RABL6: variants seen among roughly 807,000 people sequenced by gnomAD.
RABL6 encodes RAB, member RAS oncogene family like 6.
RABL6 carries 28 observed loss-of-function variants against 72.9 expected under a neutral mutation model. The observed-to-expected ratio is 0.38, with a 90% CI of 0.28 to 0.53. RABL6 has a LOEUF of 0.53. RABL6 is among the 20% of genes least tolerant of loss of function. The pLI is 0.80. For missense variants in RABL6, 1,029 were observed against 1,008.4 expected (o/e 1.02, Z -0.28); for synonymous variants, 477 against 421.2 (o/e 1.13, Z -1.62).
chr9:136,813,915 GC>G, intron 1 of RABL6: 1 of 319,060 alleles, frequency 3.1e-6, no homozygotes, highest in South Asian at 2.7e-5. Flanking sequence ...GCGCCACTGC[GC>G]CCAGCCAAAA....
chr9:136,818,139 A>G (rs1353263857), intron 1 of RABL6, among the ~76,000 whole-genome samples: 4 of 150,200 alleles, frequency 2.7e-5, no homozygotes, highest in Non-Finnish European at 1.5e-5. Context: ...CGAGGCGGGC[A>G]GATCACGAGG....
intron 8 of RABL6, 69 bp downstream of exon 8, chr9:136,835,914 G>A (rs1588370887): frequency 7.2e-7 from 1 of 1,393,396 alleles, no homozygotes; most frequent in East Asian, 2.5e-5. Context: ...CAGGGCCATG[G>A]GCTGCACCAA....
At chr9:136,813,527 T>G in intron 1 of RABL6, 1 of 427,866 alleles carries the variant, frequency 2.3e-6, no homozygotes, top group Non-Finnish European at 4.3e-6. Flanking sequence ...AAGTTTTCTC[T>G]GCATTAGCTT....
At chr9:136,820,591 G>A (rs1420084451) in intron 1 of RABL6, among the ~76,000 whole-genome samples, 1 of 152,076 alleles carries the variant, frequency 6.6e-6, no homozygotes, top group Non-Finnish European at 1.5e-5. Flanking sequence ...GGCTGGTCTC[G>A]AACTCCTGAG....
chr9:136,812,754 G>T, intron 1 of RABL6: 1 of 318,010 alleles, frequency 3.1e-6, no homozygotes, highest in South Asian at 3.3e-5. Context: ...TCTTTCAAAT[G>T]GGAGAGGGAA....
At chr9:136,813,209 C>T in intron 1 of RABL6, 1 of 517,510 alleles carries the variant, frequency 1.9e-6, no homozygotes. Flanking sequence ...CCTGATTGCC[C>T]TGCCCCCAGT....
chr9:136,824,241 C>T (rs987589255), intron 2 of RABL6, among the ~76,000 whole-genome samples: 26 of 151,574 alleles, frequency 1.7e-4, no homozygotes, highest in African/African-American at 6.3e-4. Context: ...AGAGCAGCTG[C>T]CCTGTGTGTT....
rs1848546257 is a variant in RABL6, at chr9:136,834,440, A to G, written c.706-1302A>G. The G allele has an allele frequency of 3.1e-5, 31 of 985,788 alleles. No individual in the cohort carries two copies. In the South Asian group the frequency reaches 1.3e-3, roughly 42 times the overall value. The allele number at this position is 985,788 out of a possible 1,614,324, so 61.1% of individuals were successfully genotyped here. A position where few individuals can be genotyped will look rare whatever the true frequency, so the allele number is the denominator to read the frequency against. On this transcript the variant is annotated intron_variant, in intron 7 of 14. Coordinates refer to ENST00000311502, the MANE Select transcript of RABL6 (RefSeq NM_024718.5). ...CTGTAGATTTCTCTTTGTAAATCAC[A>G]TTTTTTTGTTGTTGTTATAGCCTGG... is the stretch of plus-strand genomic sequence containing the variant.
chr9:136,811,174 G>T (rs1337865446), intron 1 of RABL6, among the ~76,000 whole-genome samples: 1 of 152,190 alleles, frequency 6.6e-6, no homozygotes, highest in Non-Finnish European at 1.5e-5. Context: ...TGACCCTGAG[G>T]ACATGTGCCC....
At chr9:136,835,393 A>G in intron 7 of RABL6, 1 of 197,950 alleles carries the variant, frequency 5.1e-6, no homozygotes, top group Non-Finnish European at 1.0e-5. Flanking sequence ...CGTGGCGGGG[A>G]GCAGAGGGGC....
rs180688035 is a variant in RABL6 at position 136,839,038 on chromosome 9, G to A, written c.1410G>A (p.Ser470=). The change falls in exon 11 of 15, where the codon TCG becomes TCA. Residue 470 remains serine, a synonymous_variant. Coordinates refer to ENST00000311502, the MANE Select transcript of RABL6 (RefSeq NM_024718.5). ...GPVPSQDITL[S]SEEEAEVAAP... ...TCCCCAGTCAAGACATCACTCTTTCGAGTGAGGAGGAAGCAGAAGTGGCAG... is the reference window on the plus strand; with the variant it reads ...TCCCCAGTCAAGACATCACTCTTTCAAGTGAGGAGGAAGCAGAAGTGGCAG... 216 of 1,612,524 alleles carry A rather than the reference G, an allele frequency of 1.3e-4. 3 individuals carry two copies. In the South Asian group the frequency reaches 2.2e-3, roughly 17 times the overall value.
chr9:136,808,249 A>C lies in RABL6; in HGVS notation c.53A>C (p.Asp18Ala). Residue 18 changes from aspartate (D) to alanine (A), a missense_variant, in exon 1 of 15, where the codon GAC (aspartate) becomes GCC (alanine). This residue lies in a region of RABL6 where 434 missense variants were observed against 536.1 expected (regional missense o/e 0.81). Transcript: ENST00000311502. The part of the protein sequence containing the change: ...LVGSDQAPGR[D>A]KNIPAGLQSM... ...GGGTCGGACCAGGCCCCGGGCCGGG[A>C]CAAGAACATCCCCGCCGGGCTGCAG... 6.4e-7 allele frequency: 1 copy of C among 1,565,092 alleles called. No homozygotes were observed. Among genetic ancestry groups the C allele is most frequent in the African/African-American group, 1.4e-5 (1 of 70,882 alleles).
chr9:136,829,993 G>T (rs1466174998), intron 5 of RABL6, among the ~76,000 whole-genome samples: 1 of 152,246 alleles, frequency 6.6e-6, no homozygotes, highest in Admixed American at 6.5e-5. Context: ...CCTCAGGAGT[G>T]CAGTGTCCCC....
intron 1 of RABL6, among the ~76,000 whole-genome samples, chr9:136,811,614 T>C (rs1402229424): frequency 7.2e-6 from 1 of 139,158 alleles, no homozygotes. Flanking sequence ...TCAGACCCTG[T>C]CTCAAAAAAA....
chr9:136,834,048 G>A, intron 7 of RABL6: 2 of 1,449,402 alleles, frequency 1.4e-6, no homozygotes, highest in Non-Finnish European at 1.8e-6. Flanking sequence ...GGGCTGAGCT[G>A]TGTGTGACTA....
intron 5 of RABL6, chr9:136,830,944 C>G (rs916760319): frequency 1.9e-5 from 3 of 154,732 alleles, no homozygotes; most frequent in African/African-American, 7.2e-5. Context: ...CCCTTCACAG[C>G]CACGAGAGGC....
intron 1 of RABL6, among the ~76,000 whole-genome samples, chr9:136,816,236 C>T (rs1164777529): frequency 6.6e-6 from 1 of 152,132 alleles, no homozygotes; most frequent in African/African-American, 2.4e-5. Flanking sequence ...TCCTGAGTAG[C>T]TGGGACTACA....
chr9:136,840,191 G>A lies in RABL6; in HGVS notation c.1968G>A (p.Lys656=), dbSNP rs370194882. ...EGKTPSKEKK[K]KKKKGKEEEE... ...AAACCCCCTCTAAGGAGAAGAAGAA[G>A]AAGAAGAAAAAAGGCAAAGAGGTAC... The change falls in exon 14 of 15, where the codon AAG becomes AAA. Residue 656 remains lysine, a synonymous_variant. Coordinates refer to ENST00000311502, the MANE Select transcript of RABL6 (RefSeq NM_024718.5). The A allele has an allele frequency of 1.2e-6, 2 of 1,612,830 alleles. No homozygotes were observed. Among genetic ancestry groups the A allele is most frequent in the Non-Finnish European group, 8.5e-7 (1 of 1,179,824 alleles).
At chr9:136,830,493 G>A (rs1012616990) in intron 5 of RABL6, among the ~76,000 whole-genome samples, 17 of 152,256 alleles carry the variant, frequency 1.1e-4, no homozygotes, top group African/African-American at 3.4e-4. Context: ...CGGGGCTGGC[G>A]GCCCCACCCC....
Sources: gnomAD v4.1 joint callset for allele counts (sites outside exome capture counted in the v4.1 genomes callset) on GRCh38, gnomAD v4.1.1 for gene constraint, gnomAD v4.1.1 regional missense constraint, MANE v1.5 for transcripts, NCBI Gene and HGNC (gene_info 2026-07-23, HGNC 2026-07-21) for gene names.